The following ABCA13 variants were observed in gnomAD, a reference collection of about 807,000 sequenced individuals.
The protein encoded by ABCA13 is ATP-binding cassette sub-family A member 13.
Under a neutral mutation model 478.7 loss-of-function variants are expected in ABCA13, and 476 were observed. That is an observed-to-expected ratio of 0.99 (90% confidence interval 0.92 to 1.07). ABCA13 has a LOEUF of 1.07. Ranked by LOEUF, ABCA13 falls within the 50% of genes least tolerant of loss-of-function variation. The probability of loss-of-function intolerance (pLI) is 0.00; values close to 1 mark genes in which losing one functional copy is unlikely to be tolerated. For missense variants in ABCA13, 6,060 were observed against 5,910.6 expected, an observed-to-expected ratio of 1.03 and a Z score of -0.83; for synonymous variants, 2,252 against 2,158.9, an observed-to-expected ratio of 1.04 and a Z score of -1.20.
intron 51 of ABCA13, among the ~76,000 whole-genome samples, chr7:48,511,673 T>A (rs1389670792): frequency 6.6e-6 from 1 of 152,160 alleles, no homozygotes; most frequent in African/African-American, 2.4e-5. Flanking sequence ...TGGAGAAAAG[T>A]CATTTTATGA....
At position 48,275,097 on chromosome 7, in the gene ABCA13, A is replaced by G. The variant is rs1312374045; in HGVS notation, c.5431A>G (p.Ile1811Val). 1.9e-6 allele frequency: 3 copies of G among 1,613,408 alleles called. No individual in the cohort carries two copies. Among genetic ancestry groups the G allele is most frequent in the Admixed American group, 3.3e-5 (2 of 59,894 alleles). Residue 1811 changes from isoleucine (I) to valine (V), a missense_variant, in exon 17 of 62, where the codon ATT becomes GTT. Transcript: ENST00000435803. ...TIELVSDKPD[I>V]ISEALACFPV... Reference sequence around the variant, plus strand: ...TGAATTAGTATCAGATAAGCCAGATATTATTTCAGAGGCTTTAGCTTGTTT... The same window carrying G: ...TGAATTAGTATCAGATAAGCCAGATGTTATTTCAGAGGCTTTAGCTTGTTT...
intron 15 of ABCA13, among the ~76,000 whole-genome samples, chr7:48,251,364 T>C (rs1410629278): frequency 6.6e-6 from 1 of 152,244 alleles, no homozygotes; most frequent in African/African-American, 2.4e-5. Context: ...GTGCTTTCTA[T>C]GATTATCTTG....
chr7:48,493,724 C>T (rs1830034612), intron 48 of ABCA13, among the ~76,000 whole-genome samples: 1 of 152,184 alleles, frequency 6.6e-6, no homozygotes, highest in Non-Finnish European at 1.5e-5. Context: ...ATTAAACTGT[C>T]TGTACATTGG....
chr7:48,243,632 G>A (rs1192308347), intron 10 of ABCA13, among the ~76,000 whole-genome samples: 1 of 152,150 alleles, frequency 6.6e-6, no homozygotes, highest in Admixed American at 6.5e-5. Flanking sequence ...CGGTGCTTGG[G>A]TCCATCAGCT....
At chr7:48,283,995 G>A (rs1473952078) in intron 19 of ABCA13, among the ~76,000 whole-genome samples, 1 of 152,110 alleles carries the variant, frequency 6.6e-6, no homozygotes. Context: ...ACCTCCAAGG[G>A]GCTTATCCTA....
intron 15 of ABCA13, among the ~76,000 whole-genome samples, chr7:48,252,691 A>G (rs919977844): frequency 5.3e-5 from 8 of 151,994 alleles, no homozygotes; most frequent in Non-Finnish European, 1.2e-4. Flanking sequence ...TTTATAAACC[A>G]TTTTCTAGAT....
Position 48,306,769 on chromosome 7 carries a change from GATT to G in ABCA13, c.9322-3176_9322-3174del, listed in dbSNP as rs779243323. ...CTAGAGTATCATAGCCATTGGTGATGATTAATTTTGTGTGTCAACTTGGTTAGG... is the reference window on the plus strand; with the variant it reads ...CTAGAGTATCATAGCCATTGGTGATGAATTTTGTGTGTCAACTTGGTTAGG... On this transcript the variant is annotated intron_variant, in intron 23 of 61. Transcript: ENST00000435803. Among the ~76,000 whole-genome samples, 142 of 152,366 alleles carry G rather than the reference GATT, an allele frequency of 9.3e-4. 1 individual carries two copies. The highest frequency in any genetic ancestry group is 3.2e-3 in the African/African-American group (134 of 41,596).
chr7:48,640,106 A>G (rs935772163), intron 59 of ABCA13, among the ~76,000 whole-genome samples: 2 of 152,188 alleles, frequency 1.3e-5, no homozygotes, highest in African/African-American at 2.4e-5. Context: ...ATGATTTTCT[A>G]TTTTGCACTT....
chr7:48,568,390 C>T (rs1787289156), intron 55 of ABCA13, among the ~76,000 whole-genome samples: 3 of 152,008 alleles, frequency 2.0e-5, no homozygotes, highest in Admixed American at 2.0e-4. Flanking sequence ...ATTCCATTAA[C>T]ATGGTATAGA....
chr7:48,255,551 C>A (rs1449668502), intron 15 of ABCA13, among the ~76,000 whole-genome samples: 3 of 152,054 alleles, frequency 2.0e-5, no homozygotes, highest in East Asian at 1.9e-4. Flanking sequence ...TAAATGGGAA[C>A]ATGTGGTATT....
chr7:48,490,748 A>G (rs761654362), intron 48 of ABCA13, among the ~76,000 whole-genome samples: 12 of 152,218 alleles, frequency 7.9e-5, no homozygotes, highest in East Asian at 3.8e-4. Context: ...TTTAAGATCA[A>G]ATGCTGCTTG....
intron 55 of ABCA13, among the ~76,000 whole-genome samples, chr7:48,531,402 C>A (rs1403379530): frequency 6.6e-6 from 1 of 151,922 alleles, no homozygotes; most frequent in African/African-American, 2.4e-5. Flanking sequence ...GGCCTTATAG[C>A]ATAGTTTGAA....
At chr7:48,325,844 C>A (rs768947334) in intron 27 of ABCA13, among the ~76,000 whole-genome samples, 1 of 152,214 alleles carries the variant, frequency 6.6e-6, no homozygotes, top group Non-Finnish European at 1.5e-5. Context: ...CCCATCCAGG[C>A]TTGAAATCCA....
chr7:48,590,520 G>T (rs1789625002), intron 57 of ABCA13, among the ~76,000 whole-genome samples: 1 of 152,100 alleles, frequency 6.6e-6, no homozygotes, highest in African/African-American at 2.4e-5. Flanking sequence ...GAGATTACTG[G>T]ATCAGTGGCA....
rs754431159 is a variant in ABCA13 at position 48,455,306 on chromosome 7, T to A, written c.12815+20T>A. The A allele has an allele frequency of 6.3e-7, 1 of 1,581,888 alleles. No homozygotes were observed. Among genetic ancestry groups the A allele is most frequent in the South Asian group, 1.1e-5 (1 of 87,672 alleles). On this transcript the variant is annotated intron_variant, in intron 43 of 61. Transcript: ENST00000435803. ...TTTCAGGTAAGTTGTTTTTGTTCCT[T>A]TGATTTCGAAATTATGTCGAGGCAG... is the stretch of plus-strand genomic sequence containing the variant.
At chr7:48,526,224 G>GGA (rs201771557) in intron 54 of ABCA13, among the ~76,000 whole-genome samples, 3,197 of 152,156 alleles carry the variant, frequency 0.021, 48 homozygotes, top group Middle Eastern at 0.037. Flanking sequence ...AGGAGGGGCC[G>GGA]GAGACAGCAG....
intron 58 of ABCA13, among the ~76,000 whole-genome samples, chr7:48,614,796 A>G (rs1283838882): frequency 2.0e-5 from 3 of 148,140 alleles, no homozygotes; most frequent in African/African-American, 2.5e-5. Context: ...CAAAAAACCA[A>G]ACACCGCATG....
intron 28 of ABCA13, among the ~76,000 whole-genome samples, chr7:48,337,670 T>C (rs1227788153): frequency 6.6e-6 from 1 of 152,246 alleles, no homozygotes; most frequent in Non-Finnish European, 1.5e-5. Context: ...AGAGCCTGGA[T>C]ACATCAGTAT....
rs1799289849 is a variant in ABCA13 at position 48,295,879 on chromosome 7, C to A, written c.9119+16C>A. The A allele has an allele frequency of 6.3e-7, 1 of 1,584,744 alleles. No individual in the cohort carries two copies. Among genetic ancestry groups the A allele is most frequent in the Non-Finnish European group, 8.6e-7 (1 of 1,164,936 alleles). ...ACTTGTACATGTATGCTCTGATATTCTTTCATGCCCTCCCCAGTACTTCCA... is the reference window on the plus strand; with the variant it reads ...ACTTGTACATGTATGCTCTGATATTATTTCATGCCCTCCCCAGTACTTCCA... On this transcript the variant is annotated intron_variant, in intron 21 of 61. Coordinates refer to ENST00000435803, the MANE Select transcript of ABCA13 (RefSeq NM_152701.5).
Sources: allele counts gnomAD v4.1 joint callset (sites outside exome capture counted in the v4.1 genomes callset), GRCh38; gene constraint gnomAD v4.1.1; transcripts MANE v1.5; gene names NCBI Gene and HGNC (gene_info 2026-07-23, HGNC 2026-07-21).